Variants in CD8B observed in about 807,000 individuals in gnomAD.
The protein encoded by CD8B is T-cell surface glycoprotein CD8 beta chain.
A neutral mutation model predicts 24.2 loss-of-function variants in CD8B; 6 were observed. The observed-to-expected ratio is 0.25, with a 90% CI of 0.14 to 0.49. The LOEUF (loss-of-function observed/expected upper bound fraction) is 0.49, where lower values mean the gene tolerates loss of function less well. CD8B is among the 20% of genes least tolerant of loss of function. The probability of loss-of-function intolerance (pLI) is 0.98; values close to 1 mark genes in which losing one functional copy is unlikely to be tolerated. For missense variants in CD8B, 196 were observed against 271.3 expected (o/e 0.72, Z 1.95); for synonymous variants, 84 against 108.3 (o/e 0.78, Z 1.39).
At chr2:86,828,430 T>G (rs1674776879) in intron 5 of CD8B, among the ~76,000 whole-genome samples, 1 of 152,120 alleles carries the variant, frequency 6.6e-6, no homozygotes, top group South Asian at 2.1e-4. Context: ...TTAAAAATTT[T>G]TGTTATTTGA....
chr2:86,820,073 A>C (rs768363278), intron 5 of CD8B, among the ~76,000 whole-genome samples: 1 of 152,268 alleles, frequency 6.6e-6, no homozygotes, highest in African/African-American at 2.4e-5. Context: ...CCCGTGATCA[A>C]ACTTAACACA....
intron 5 of CD8B, chr2:86,821,629 G>T: frequency 3.3e-6 from 1 of 300,842 alleles, no homozygotes; most frequent in Non-Finnish European, 7.3e-6. Context: ...ACACTCGGGG[G>T]CCTCCATAAC....
Position 86,846,850 on chromosome 2 carries a change from G to T in CD8B, c.494-77C>A, listed in dbSNP as rs1675704397. 17 of 900,956 alleles carry T rather than the reference G, an allele frequency of 1.9e-5. No homozygotes were observed. In the South Asian group the frequency reaches 2.5e-4, roughly 13 times the overall value. 55.8% of individuals were successfully genotyped at this position (900,956 alleles called of 1,614,324 possible). A position where few individuals can be genotyped will look rare whatever the true frequency, so the allele number is the denominator to read the frequency against. On this transcript the variant is annotated intron_variant, in intron 3 of 5. Coordinates refer to ENST00000390655, the MANE Select transcript of CD8B (RefSeq NM_004931.5). ...AGACACGCAGAAAAATACAAGGAGC[G>T]AAAAATTCAACTGGAAGCCCCACCT...
chr2:86,844,980 G>T, intron 4 of CD8B, 22 bp from the exon 5 acceptor site: 4 of 1,556,622 alleles, frequency 2.6e-6, no homozygotes, highest in South Asian at 1.2e-5. Flanking sequence ...AAGCAAGGGC[G>T]CCAGTCAGTG....
At chr2:86,847,577 G>A (rs1473745878) in intron 3 of CD8B, among the ~76,000 whole-genome samples, 6 of 151,982 alleles carry the variant, frequency 3.9e-5, no homozygotes, top group Admixed American at 1.3e-4. Flanking sequence ...ACAGAGTCTC[G>A]CTCTGTCACA....
intron 5 of CD8B, among the ~76,000 whole-genome samples, chr2:86,843,914 C>T (rs1558757209): frequency 6.6e-6 from 1 of 152,332 alleles, no homozygotes; most frequent in East Asian, 1.9e-4. Flanking sequence ...AAAGCTGGAG[C>T]TTTTGAGCAG....
rs1218773508 is a variant in CD8B at position 86,842,442 on chromosome 2, G to C, written c.621-123C>G. On this transcript the variant is annotated intron_variant, in intron 5 of 5. Coordinates refer to ENST00000390655, the MANE Select transcript of CD8B (RefSeq NM_004931.5). Reference sequence around the variant, plus strand: ...TACTCCAAGTAGCCTGGGGCCGAGAGTTTTTTGTTAGTATGTTTCTAGGGC... The same window carrying C: ...TACTCCAAGTAGCCTGGGGCCGAGACTTTTTTGTTAGTATGTTTCTAGGGC... 14 of 1,303,760 alleles carry C rather than the reference G, an allele frequency of 1.1e-5. No individual in the cohort carries two copies. The South Asian group carries it at 1.9e-4, about 17-fold the overall frequency. 80.8% of individuals were successfully genotyped at this position (1,303,760 alleles called of 1,614,324 possible). A position where few individuals can be genotyped will look rare whatever the true frequency, so the allele number is the denominator to read the frequency against.
At chr2:86,857,457 G>A (rs138728945) in intron 2 of CD8B, among the ~76,000 whole-genome samples, 1 of 152,114 alleles carries the variant, frequency 6.6e-6, no homozygotes, top group Non-Finnish European at 1.5e-5. Context: ...GGTGGCTCAC[G>A]CCTGTAATCC....
chr2:86,823,862 TC>T (rs1414915665), intron 5 of CD8B, among the ~76,000 whole-genome samples: 1 of 152,028 alleles, frequency 6.6e-6, no homozygotes, highest in African/African-American at 2.4e-5. Flanking sequence ...CCCCAGGGCC[TC>T]CTGGACAGGC....
At chr2:86,815,701 A>G (rs1208998264) in exon 6 of CD8B, 7 of 1,605,470 alleles carry the variant, frequency 4.4e-6, no homozygotes, top group Non-Finnish European at 6.0e-6. Context: ...GGTTCCTGAT[A>G]TACCTTCCCC....
chr2:86,827,462 A>G (rs568043567), intron 5 of CD8B, among the ~76,000 whole-genome samples: 3 of 152,116 alleles, frequency 2.0e-5, no homozygotes, highest in African/African-American at 7.2e-5. Context: ...CATCTCCACA[A>G]AAGTTAAAAA....
At chr2:86,843,049 C>G (rs1675510829) in intron 5 of CD8B, among the ~76,000 whole-genome samples, 1 of 152,058 alleles carries the variant, frequency 6.6e-6, no homozygotes, top group Non-Finnish European at 1.5e-5. Context: ...CAGAGAGGGA[C>G]TTACTTTCCA....
chr2:86,830,831 G>T (rs937752648), intron 5 of CD8B, among the ~76,000 whole-genome samples: 1 of 151,806 alleles, frequency 6.6e-6, no homozygotes, highest in Non-Finnish European at 1.5e-5. Flanking sequence ...ATTTAAAAAT[G>T]CATTCCTTTT....
rs865950951 is a variant in CD8B at position 86,861,757 on chromosome 2, T to C, written c.43+66A>G. On this transcript the variant is annotated intron_variant, in intron 1 of 5. Transcript: ENST00000390655. ...CCAGGACCAGGGCCAGGACAGCCACTTATCACCTCCCCGCTCAGGCCCCGG... is the reference window on the plus strand; with the variant it reads ...CCAGGACCAGGGCCAGGACAGCCACCTATCACCTCCCCGCTCAGGCCCCGG... 5 of 1,183,296 alleles carry C rather than the reference T, an allele frequency of 4.2e-6. No homozygotes were observed. The African/African-American group carries it at 6.3e-5, about 15-fold the overall frequency. 73.3% of individuals were successfully genotyped at this position (1,183,296 alleles called of 1,614,324 possible).
downstream of CD8B, among the ~76,000 whole-genome samples, chr2:86,835,270 C>T (rs1449229041): frequency 6.6e-6 from 1 of 152,150 alleles, no homozygotes; most frequent in Non-Finnish European, 1.5e-5. Flanking sequence ...TGAGCAGGGC[C>T]CACAAAAGGA....
intron 2 of CD8B, among the ~76,000 whole-genome samples, chr2:86,855,230 CCT>C (rs1676177643): frequency 6.6e-6 from 1 of 152,228 alleles, no homozygotes; most frequent in South Asian, 2.1e-4. Flanking sequence ...TAACCCCTCA[CCT>C]CTCTGAGCCT....
chr2:86,821,577 G>A (rs1325940673), intron 5 of CD8B: 3 of 190,560 alleles, frequency 1.6e-5, no homozygotes, highest in Admixed American at 1.1e-4. Flanking sequence ...GGCCGAGTTC[G>A]GTTGTTGCTG....
At chr2:86,821,685 A>G (rs1399997462) in intron 5 of CD8B, 2 of 422,706 alleles carry the variant, frequency 4.7e-6, no homozygotes, top group African/African-American at 2.0e-5. Context: ...TGGACCCCCA[A>G]ATGGAACATT....
At chr2:86,823,861 C>T (rs1004615607) in intron 5 of CD8B, among the ~76,000 whole-genome samples, 3 of 152,044 alleles carry the variant, frequency 2.0e-5, no homozygotes, top group African/African-American at 7.2e-5. Context: ...GCCCCAGGGC[C>T]TCCTGGACAG....
Sources: allele counts gnomAD v4.1 joint callset (sites outside exome capture counted in the v4.1 genomes callset), GRCh38; gene constraint gnomAD v4.1.1; transcripts MANE v1.5; gene names NCBI Gene and HGNC (gene_info 2026-07-23, HGNC 2026-07-21).